NCOR1: variants seen among roughly 807,000 people sequenced by gnomAD.
NCOR1 encodes nuclear receptor corepressor 1, also known as protein phosphatase 1, regulatory subunit 109.
A neutral mutation model predicts 288.1 loss-of-function variants in NCOR1; 63 were observed. That is an observed-to-expected ratio of 0.22 (90% CI 0.18 to 0.27). NCOR1 has a LOEUF of 0.27. Among genes scored for constraint, NCOR1 ranks in the 10% least tolerant of loss-of-function variants. The pLI, the probability that NCOR1 is intolerant of heterozygous loss-of-function variation, is 1.00. For missense variants in NCOR1, 2,397 were observed against 3,019.2 expected, an observed-to-expected ratio of 0.79 and a Z score of 4.83; for synonymous variants, 1,007 against 1,065.9, an observed-to-expected ratio of 0.94 and a Z score of 1.08.
At chr17:16,056,308 CTTTTTT>C (rs71299858) in intron 40 of NCOR1, among the ~76,000 whole-genome samples, 3 of 96,012 alleles carry the variant, frequency 3.1e-5, no homozygotes, top group South Asian at 4.0e-4. Flanking sequence ...TTCTTTTTAT[CTTTTTT>C]TTTTTTTTTT....
intron 37 of NCOR1, 132 bp downstream of exon 37, chr17:16,061,269 A>C: frequency 9.0e-7 from 1 of 1,108,638 alleles, no homozygotes; most frequent in Non-Finnish European, 1.3e-6. Flanking sequence ...AAACAGCAGA[A>C]GATACATTTT....
chr17:16,116,163 G>A (rs941741445), intron 18 of NCOR1, among the ~76,000 whole-genome samples: 11 of 152,182 alleles, frequency 7.2e-5, no homozygotes, highest in African/African-American at 2.7e-4. Context: ...AGAATAGCAT[G>A]AGAAAAAGGC....
At chr17:16,067,369 G>A (rs1303123135) in intron 32 of NCOR1, among the ~76,000 whole-genome samples, 2 of 152,196 alleles carry the variant, frequency 1.3e-5, no homozygotes, top group East Asian at 3.9e-4. Flanking sequence ...AATCAGGTGC[G>A]GACTAGACAA....
intron 4 of NCOR1, among the ~76,000 whole-genome samples, chr17:16,168,493 G>A (rs1268734238): frequency 3.9e-5 from 6 of 151,994 alleles, no homozygotes; most frequent in East Asian, 1.9e-4. Context: ...GAGCCACCGC[G>A]CCCAGCCAAG....
At position 16,086,280 on chromosome 17, in the gene NCOR1, A is replaced by G; in HGVS notation, c.3177+2T>C. On this transcript the variant is annotated splice_donor_variant, in intron 23 of 45. Coordinates refer to ENST00000268712, the MANE Select transcript of NCOR1 (RefSeq NM_006311.4). LOFTEE classifies it high-confidence loss of function. ...ATCTACTGTAAAGAGAAGTCGTTTC[A>G]CCTGTGAGATGGAGCCTCCCATTAT... 6.2e-7 allele frequency: 1 copy of G among 1,613,434 alleles called. No individual in the cohort carries two copies. Among genetic ancestry groups the G allele is most frequent in the Non-Finnish European group, 8.5e-7 (1 of 1,179,718 alleles).
At chr17:16,112,551 A>G (rs569043122) in intron 18 of NCOR1, among the ~76,000 whole-genome samples, 2 of 152,300 alleles carry the variant, frequency 1.3e-5, no homozygotes, top group Admixed American at 6.5e-5. Context: ...GCTGGAGTAC[A>G]GTGGCGCGAT....
intron 21 of NCOR1, among the ~76,000 whole-genome samples, chr17:16,093,257 C>T (rs2065736353): frequency 1.3e-5 from 2 of 152,202 alleles, no homozygotes; most frequent in Non-Finnish European, 2.9e-5. Context: ...AACCTGGCAG[C>T]CATCCTTGAC....
In NCOR1 at chr17:16,110,513, G is replaced by A. The variant is rs577092319; in HGVS notation, c.2056-1601C>T. Among the ~76,000 whole-genome samples, 14 of 152,182 alleles carry A rather than the reference G, an allele frequency of 9.2e-5. No homozygotes were observed. The East Asian group carries it at 1.9e-3, about 21-fold the overall frequency. On this transcript the variant is annotated intron_variant, in intron 18 of 45. Coordinates refer to ENST00000268712, the MANE Select transcript of NCOR1 (RefSeq NM_006311.4). ...ATGTGTACACATTTAACTATAAGAC[G>A]TTAGCTATTTACATTATATTTATAA...
chr17:16,133,523 G>C (rs990441912), intron 14 of NCOR1, among the ~76,000 whole-genome samples: 4 of 152,078 alleles, frequency 2.6e-5, no homozygotes, highest in Non-Finnish European at 5.9e-5. Flanking sequence ...TATCCACCAG[G>C]GTAAAATCAA....
At chr17:16,129,319 AT>A (rs2075248509) in intron 14 of NCOR1, among the ~76,000 whole-genome samples, 1 of 152,144 alleles carries the variant, frequency 6.6e-6, no homozygotes, top group South Asian at 2.1e-4. Context: ...CTTTGTCCTC[AT>A]TGTGACCTTT....
intron 32 of NCOR1, among the ~76,000 whole-genome samples, chr17:16,067,125 T>TC (rs1428295633): frequency 2.0e-5 from 3 of 152,168 alleles, no homozygotes; most frequent in African/African-American, 7.2e-5. Flanking sequence ...ACTGCTCCTC[T>TC]CCCCTCCCTG....
intron 14 of NCOR1, among the ~76,000 whole-genome samples, chr17:16,135,963 T>G (rs2076335371): frequency 6.6e-6 from 1 of 152,176 alleles, no homozygotes; most frequent in African/African-American, 2.4e-5. Context: ...AGCTCATGCA[T>G]GCAAGTCCTT....
chr17:16,078,996 G>T (rs1164500202), intron 26 of NCOR1, among the ~76,000 whole-genome samples: 3 of 152,212 alleles, frequency 2.0e-5, no homozygotes, highest in Non-Finnish European at 2.9e-5. Context: ...TCAGTAAAAT[G>T]GGGATTTTAA....
chr17:16,054,081 A>C (rs1017730614), intron 40 of NCOR1, among the ~76,000 whole-genome samples: 5 of 150,294 alleles, frequency 3.3e-5, no homozygotes, highest in Non-Finnish European at 7.4e-5. Flanking sequence ...AAAAAAAAAA[A>C]AAAAAAAAAA....
rs1358724889 is a variant in NCOR1, at chr17:16,127,567, A to G, written c.1510-1361T>C. The stretch of plus-strand genomic sequence containing the variant: ...TATATATACACATGTGTATATATGT[A>G]TGTATATATACATATGTGTATATAT... On this transcript the variant is annotated intron_variant, in intron 14 of 45. Coordinates refer to ENST00000268712, the MANE Select transcript of NCOR1 (RefSeq NM_006311.4). Among the ~76,000 whole-genome samples the G allele has an allele frequency of 2.1e-5, 3 of 140,848 alleles. 1 individual carries two copies. The highest frequency in any genetic ancestry group is 5.5e-5 in the African/African-American group (2 of 36,430). 92.4% of individuals were successfully genotyped at this position (140,848 alleles called of 152,430 possible).
At chr17:16,073,395 G>GT (rs1300818682) in intron 28 of NCOR1, 34 bp downstream of exon 28, 1 of 1,516,484 alleles carries the variant, frequency 6.6e-7, no homozygotes, top group African/African-American at 1.4e-5. Context: ...AAAATAACAT[G>GT]TATCAAAATA....
At chr17:16,153,728 G>A (rs1254573887) in intron 6 of NCOR1, among the ~76,000 whole-genome samples, 3 of 151,866 alleles carry the variant, frequency 2.0e-5, no homozygotes, top group Non-Finnish European at 4.4e-5. Flanking sequence ...CTGGAGAGAG[G>A]GAATGAAAAT....
chr17:16,114,814 T>C (rs1353065641), intron 18 of NCOR1, among the ~76,000 whole-genome samples: 1 of 152,162 alleles, frequency 6.6e-6, no homozygotes, highest in African/African-American at 2.4e-5. Flanking sequence ...TTTCACAGGG[T>C]AGCGTTGAGT....
intron 4 of NCOR1, among the ~76,000 whole-genome samples, chr17:16,169,917 T>C (rs921945300): frequency 3.9e-5 from 6 of 152,150 alleles, no homozygotes; most frequent in African/African-American, 1.4e-4. Flanking sequence ...ATGATTCACA[T>C]GATAAGGTGG....
Sources: gnomAD v4.1 joint callset for allele counts (sites outside exome capture counted in the v4.1 genomes callset) on GRCh38, gnomAD v4.1.1 for gene constraint, MANE v1.5 for transcripts, NCBI Gene and HGNC (gene_info 2026-07-23, HGNC 2026-07-21) for gene names.